The following TENM3 variants were observed in gnomAD, a reference collection of about 807,000 sequenced individuals.
TENM3 encodes the protein teneurin transmembrane protein 3.
In TENM3, 63 loss-of-function variants were observed where a neutral mutation model predicts 255.1. The observed-to-expected ratio is 0.25, with a 90% confidence interval of 0.20 to 0.30. The LOEUF is 0.30. Among genes scored for constraint, TENM3 ranks in the 10% least tolerant of loss-of-function variants. The pLI is 1.00. For synonymous variants in TENM3, 1,306 were observed against 1,322.3 expected (o/e 0.99, Z 0.27); for missense variants, 2,929 against 3,461.1 (o/e 0.85, Z 3.86).
chr4:182,669,331 G>A (rs919904338), intron 6 of TENM3, among the ~76,000 whole-genome samples: 9 of 151,828 alleles, frequency 5.9e-5, no homozygotes, highest in East Asian at 1.9e-4. Flanking sequence ...GTGCAGTGGC[G>A]CGATCTCGGC....
chr4:181,851,665 T>A, the TENM3 span, among the ~76,000 whole-genome samples: 1 of 151,890 alleles, frequency 6.6e-6, no homozygotes, highest in Non-Finnish European at 1.5e-5. Flanking sequence ...CTCATGCACA[T>A]CCACACTACT....
chr4:182,751,828 G>T lies in TENM3; in HGVS notation c.3658G>T (p.Ala1220Ser). ...SSNPAHRYYL[A>S]TDPVTGDLYV... ...CAACCCAGCTCATAGATACTACCTTGCAACGGATCCAGTCACGGGAGATCT... is the reference window on the plus strand; with the variant it reads ...CAACCCAGCTCATAGATACTACCTTTCAACGGATCCAGTCACGGGAGATCT... The change falls in exon 20 of 28, where the codon GCA becomes TCA. Residue 1220 changes from alanine (A) to serine (S), a missense_variant. Coordinates refer to ENST00000511685, the MANE Select transcript of TENM3 (RefSeq NM_001080477.4). 6.2e-7 allele frequency: 1 copy of T among 1,613,872 alleles called. No individual in the cohort carries two copies. The highest frequency in any genetic ancestry group is 8.5e-7 in the Non-Finnish European group (1 of 1,179,852).
the TENM3 span, among the ~76,000 whole-genome samples, chr4:181,817,945 T>A: frequency 6.6e-6 from 1 of 152,234 alleles, no homozygotes; most frequent in African/African-American, 2.4e-5. Flanking sequence ...CAAAGTCCAG[T>A]GTTTGTAGTG....
intron 3 of TENM3, among the ~76,000 whole-genome samples, chr4:182,585,634 A>C (rs1278142535): frequency 6.6e-6 from 1 of 152,176 alleles, no homozygotes; most frequent in Non-Finnish European, 1.5e-5. Flanking sequence ...GGTCTCTAGA[A>C]CTGTGAGAAA....
the TENM3 span, among the ~76,000 whole-genome samples, chr4:181,464,002 A>G: frequency 2.6e-5 from 4 of 152,284 alleles, no homozygotes; most frequent in Non-Finnish European, 2.9e-5. Flanking sequence ...TTATTGGCAA[A>G]CAATACTCCA....
chr4:182,649,793 T>A (rs1753088954), intron 5 of TENM3, among the ~76,000 whole-genome samples: 1 of 150,304 alleles, frequency 6.7e-6, no homozygotes. Context: ...CCCCAAGTAC[T>A]GCCCCAGCCT....
At chr4:181,947,182 G>A in the TENM3 span, among the ~76,000 whole-genome samples, 69 of 152,326 alleles carry the variant, frequency 4.5e-4, no homozygotes, top group African/African-American at 1.6e-3. Flanking sequence ...GGAATCACAC[G>A]AGACAGTGTA....
chr4:181,863,340 T>A, the TENM3 span, among the ~76,000 whole-genome samples: 1 of 152,188 alleles, frequency 6.6e-6, no homozygotes, highest in South Asian at 2.1e-4. Flanking sequence ...GATTGATTTA[T>A]TAATACTGAC....
chr4:182,222,913 C>G lies in TENM3; in HGVS notation c.-76+78159C>G, dbSNP rs1198033067. Among the ~76,000 whole-genome samples the G allele has an allele frequency of 2.0e-5, 3 of 152,250 alleles. No homozygotes were observed. In the East Asian group the frequency reaches 5.8e-4, roughly 29 times the overall value. Reference sequence around the variant, plus strand: ...ATCCCGTTGTAAGACAAGCTCGTCCCTAAGAGAGCCTCTGAATCCAGCCAT... The same window carrying G: ...ATCCCGTTGTAAGACAAGCTCGTCCGTAAGAGAGCCTCTGAATCCAGCCAT... On this transcript the variant is annotated intron_variant, in intron 1 of 2. Transcript: ENST00000512480.
At chr4:181,782,248 C>T in the TENM3 span, among the ~76,000 whole-genome samples, 1 of 151,954 alleles carries the variant, frequency 6.6e-6, no homozygotes, top group African/African-American at 2.4e-5. Context: ...TCCGTCTGGC[C>T]CTGGACTTTT....
the TENM3 span, among the ~76,000 whole-genome samples, chr4:181,501,090 CCAAT>C: frequency 6.6e-6 from 1 of 152,062 alleles, no homozygotes; most frequent in African/African-American, 2.4e-5. Flanking sequence ...CCTTTCTGGG[CCAAT>C]CAAAGAAAAG....
chr4:182,686,951 G>A (rs1756625020), intron 11 of TENM3, among the ~76,000 whole-genome samples: 1 of 152,044 alleles, frequency 6.6e-6, no homozygotes. Context: ...GAAAAAACCT[G>A]CGTGCTACCC....
chr4:182,229,507 G>C (rs1204313056), intron 1 of TENM3, among the ~76,000 whole-genome samples: 1 of 152,004 alleles, frequency 6.6e-6, no homozygotes, highest in Non-Finnish European at 1.5e-5. Flanking sequence ...CATCTCACTT[G>C]CTATGCATTT....
At chr4:182,130,461 T>C in the TENM3 span, among the ~76,000 whole-genome samples, 1 of 152,318 alleles carries the variant, frequency 6.6e-6, no homozygotes, top group Middle Eastern at 3.4e-3. Context: ...ACAAAAACAT[T>C]GTACTATGTG....
At chr4:181,834,270 A>G in the TENM3 span, among the ~76,000 whole-genome samples, 1 of 152,094 alleles carries the variant, frequency 6.6e-6, no homozygotes, top group Non-Finnish European at 1.5e-5. Context: ...TCAACAACAC[A>G]TTTTGTGTCA....
chr4:181,504,987 G>A, the TENM3 span, among the ~76,000 whole-genome samples: 1 of 152,206 alleles, frequency 6.6e-6, no homozygotes, highest in Non-Finnish European at 1.5e-5. Context: ...AGAACACACT[G>A]ATTCGACTCC....
At chr4:181,989,763 G>C in the TENM3 span, among the ~76,000 whole-genome samples, 1 of 152,124 alleles carries the variant, frequency 6.6e-6, no homozygotes, top group Non-Finnish European at 1.5e-5. Flanking sequence ...TGGCCAAAAT[G>C]TTCCAAATGA....
chr4:181,914,246 C>T, the TENM3 span, among the ~76,000 whole-genome samples: 3 of 152,156 alleles, frequency 2.0e-5, no homozygotes, highest in African/African-American at 7.2e-5. Context: ...CCTTCTTTAG[C>T]AGGTCCTAAT....
At chr4:181,889,143 C>G in the TENM3 span, among the ~76,000 whole-genome samples, 1 of 152,072 alleles carries the variant, frequency 6.6e-6, no homozygotes, top group Non-Finnish European at 1.5e-5. Flanking sequence ...CACAATGAAG[C>G]GTAATGCCCA....
Sources: allele counts gnomAD v4.1 joint callset (sites outside exome capture counted in the v4.1 genomes callset), GRCh38; gene constraint gnomAD v4.1.1; transcripts MANE v1.5; gene names NCBI Gene and HGNC (gene_info 2026-07-23, HGNC 2026-07-21).